The following HEATR5B variants were observed in gnomAD, a reference collection of about 807,000 sequenced individuals.
The protein encoded by HEATR5B is HEAT repeat-containing protein 5B.
In HEATR5B, 156 loss-of-function variants were observed where a neutral mutation model predicts 224.1. That is an observed-to-expected ratio of 0.70 (90% confidence interval 0.61 to 0.80). The LOEUF is 0.80. HEATR5B is among the 30% of genes least tolerant of loss of function. The pLI is 0.00. For missense variants in HEATR5B, 2,323 were observed against 2,535.5 expected, an observed-to-expected ratio of 0.92 and a Z score of 1.80; for synonymous variants, 1,027 against 893.0, an observed-to-expected ratio of 1.15 and a Z score of -2.68.
At chr2:37,044,846 T>C (rs1670091819) in intron 18 of HEATR5B, among the ~76,000 whole-genome samples, 1 of 152,186 alleles carries the variant, frequency 6.6e-6, no homozygotes, top group African/African-American at 2.4e-5. Flanking sequence ...CAGTCCTTTT[T>C]CTCTCTACGC....
intron 21 of HEATR5B, among the ~76,000 whole-genome samples, chr2:37,033,367 A>G (rs1297379284): frequency 6.6e-6 from 1 of 152,204 alleles, no homozygotes; most frequent in Non-Finnish European, 1.5e-5. Context: ...ATATACTTAA[A>G]TGAAAAATCC....
intron 2 of HEATR5B, among the ~76,000 whole-genome samples, chr2:37,082,070 T>C (rs1435606828): frequency 9.9e-6 from 1 of 100,732 alleles, no homozygotes; most frequent in Non-Finnish European, 2.1e-5. Context: ...TTTTTTTTTT[T>C]TTTTTTTTTT....
chr2:37,065,656 T>G lies in HEATR5B; in HGVS notation c.1333+99A>C, dbSNP rs1671544629. ...AGTAAAACCTGATGATCTGAAGTGC[T>G]AATGATGATGATAAGCAACTAATCA... On this transcript the variant is annotated intron_variant, in intron 9 of 35. Transcript: ENST00000233099. The G allele has an allele frequency of 3.0e-6, 3 of 1,006,350 alleles. No homozygotes were observed. The African/African-American group carries it at 4.8e-5, about 16-fold the overall frequency. 62.3% of individuals were successfully genotyped at this position (1,006,350 alleles called of 1,614,324 possible).
In HEATR5B at chr2:37,070,361, T is replaced by C. The variant is rs1455131252; in HGVS notation, c.796A>G (p.Thr266Ala). ...ATGAGTTCTAAGACTTCATCAAATG[T>C]TGCTCGCTTCACATTCTGACGCATT... ...TVMRQNVKRA[T>A]FDEVLELMAT... The change falls in exon 7 of 36, where the codon ACA (threonine) becomes GCA (alanine). Residue 266 changes from threonine to alanine, a missense_variant. Transcript: ENST00000233099. The C allele has an allele frequency of 1.2e-6, 2 of 1,614,052 alleles. No homozygotes were observed. The highest frequency in any genetic ancestry group is 2.2e-5 in the South Asian group (2 of 91,076).
chr2:37,038,076 C>G (rs1169882411), intron 20 of HEATR5B, 52 bp from the exon 21 acceptor site: 2 of 1,162,852 alleles, frequency 1.7e-6, no homozygotes, highest in African/African-American at 1.6e-5. Flanking sequence ...TTAGTACCAC[C>G]AAAAATATTC....
intron 32 of HEATR5B, among the ~76,000 whole-genome samples, chr2:37,001,702 C>T (rs906815124): frequency 2.7e-5 from 4 of 149,110 alleles, no homozygotes; most frequent in Non-Finnish European, 5.9e-5. Context: ...CTTGCTCTGT[C>T]GCTGAGGCTG....
At position 36,994,952 on chromosome 2, in the gene HEATR5B, A is replaced by G. The variant is rs1406407077; in HGVS notation, c.5546-4153T>C. Among the ~76,000 whole-genome samples, 8 of 151,734 alleles carry G rather than the reference A, an allele frequency of 5.3e-5. No individual in the cohort carries two copies. The South Asian group carries it at 8.3e-4, about 16-fold the overall frequency. On this transcript the variant is annotated intron_variant, in intron 33 of 35. Transcript: ENST00000233099. ...TTTTTAGTAGAGACGGGGTTTCACCATGTTAGCTAGGATGGTCTCGATCTC... is the reference window on the plus strand; with the variant it reads ...TTTTTAGTAGAGACGGGGTTTCACCGTGTTAGCTAGGATGGTCTCGATCTC...
chr2:37,061,671 C>G (rs556118186), intron 11 of HEATR5B, among the ~76,000 whole-genome samples: 6 of 152,278 alleles, frequency 3.9e-5, no homozygotes, highest in Admixed American at 2.6e-4. Context: ...ATTTTCATCT[C>G]TTTTAAACAC....
chr2:37,083,199 C>A (rs1303217201), intron 2 of HEATR5B, 90 bp downstream of exon 2: 1 of 1,474,426 alleles, frequency 6.8e-7, no homozygotes, highest in Non-Finnish European at 9.5e-7. Flanking sequence ...ACCCATAAAC[C>A]TTCCAAAACA....
chr2:37,024,174 CTCATAGGTGGAA>C (rs1447354815), intron 24 of HEATR5B, among the ~76,000 whole-genome samples: 1 of 152,130 alleles, frequency 6.6e-6, no homozygotes, highest in Non-Finnish European at 1.5e-5. Context: ...CATGATCTCA[CTCATAGGTGGAA>C]TCTAAAAAAG....
intron 35 of HEATR5B, among the ~76,000 whole-genome samples, chr2:36,988,113 T>G (rs1360252668): frequency 6.6e-6 from 1 of 151,744 alleles, no homozygotes; most frequent in South Asian, 2.1e-4. Context: ...ATATTTTTCC[T>G]AGATCTTAAG....
At chr2:37,017,211 C>T (rs931194125) in intron 26 of HEATR5B, among the ~76,000 whole-genome samples, 1 of 152,158 alleles carries the variant, frequency 6.6e-6, no homozygotes, top group African/African-American at 2.4e-5. Context: ...ACGGTGAAAC[C>T]CCGTCTCTAC....
intron 35 of HEATR5B, among the ~76,000 whole-genome samples, chr2:36,985,398 A>G (rs1055934560): frequency 5.3e-5 from 8 of 151,748 alleles, no homozygotes; most frequent in African/African-American, 1.9e-4. Context: ...AACATCTGTT[A>G]TCTGAGTAGT....
intron 26 of HEATR5B, among the ~76,000 whole-genome samples, chr2:37,016,217 A>G (rs943892900): frequency 2.0e-5 from 3 of 148,470 alleles, no homozygotes; most frequent in Non-Finnish European, 4.4e-5. Flanking sequence ...GGTTCATGCC[A>G]TTCTCTTGCC....
intron 1 of HEATR5B, among the ~76,000 whole-genome samples, chr2:37,084,002 C>T (rs1384575689): frequency 6.6e-6 from 1 of 152,132 alleles, no homozygotes; most frequent in Non-Finnish European, 1.5e-5. Flanking sequence ...GGAATGCACC[C>T]GAGAAGCCTC....
At position 37,062,007 on chromosome 2, in the gene HEATR5B, T is replaced by G; in HGVS notation, c.1628A>C (p.Gln543Pro). The change falls in exon 11 of 36, where the codon CAA (glutamine) becomes CCA (proline). Residue 543 changes from glutamine to proline, a missense_variant. Physicochemically the swap from Gln to Pro is moderately conservative, Grantham distance 76. Around this residue, in one of 12 missense-constraint regions of HEATR5B, gnomAD observed 502 missense variants for 517.8 expected, o/e 0.97. Coordinates refer to ENST00000233099, the MANE Select transcript of HEATR5B (RefSeq NM_019024.3). ...GCGCTGTAAAGATAGCCTGCTATTT[T>G]GGGCAGCAGTTCGTAAAAGATCTTC... ...IAEDLLRTAA[Q>P]NSRLSLQRTQ... The G allele has an allele frequency of 6.2e-7, 1 of 1,613,948 alleles. No individual in the cohort carries two copies. The highest frequency in any genetic ancestry group is 8.5e-7 in the Non-Finnish European group (1 of 1,179,836).
chr2:37,036,156 A>T (rs2148484288), intron 21 of HEATR5B, among the ~76,000 whole-genome samples: 1 of 152,334 alleles, frequency 6.6e-6, no homozygotes, highest in East Asian at 1.9e-4. Flanking sequence ...TGCAGCAAGA[A>T]CAAAATGTAA....
At chr2:37,034,163 CG>C (rs1669319515) in intron 21 of HEATR5B, among the ~76,000 whole-genome samples, 2 of 151,440 alleles carry the variant, frequency 1.3e-5, no homozygotes, top group Non-Finnish European at 2.9e-5. Flanking sequence ...CCCGCCACCA[CG>C]CCCGGCTAAT....
intron 12 of HEATR5B, among the ~76,000 whole-genome samples, chr2:37,060,351 C>T (rs759126454): frequency 2.0e-5 from 3 of 151,986 alleles, no homozygotes; most frequent in African/African-American, 7.2e-5. Flanking sequence ...GGTTCTAGTT[C>T]CTGTCTAACC....
Sources: gnomAD v4.1 joint callset for allele counts (sites outside exome capture counted in the v4.1 genomes callset) on GRCh38, gnomAD v4.1.1 for gene constraint, gnomAD v4.1.1 regional missense constraint, MANE v1.5 for transcripts, NCBI Gene and HGNC (gene_info 2026-07-23, HGNC 2026-07-21) for gene names.